TBCD: variants seen among roughly 807,000 people sequenced by gnomAD.
TBCD encodes tubulin folding cofactor D.
In TBCD, 105 loss-of-function variants were observed where a neutral mutation model predicts 169.3. The ratio of observed to expected loss-of-function variants is 0.62; its 90% CI spans 0.53 to 0.73. TBCD has a LOEUF of 0.73. Among genes scored for constraint, TBCD ranks in the 30% least tolerant of loss-of-function variants. The pLI is 0.00. For missense variants in TBCD, 1,444 were observed against 1,600.1 expected, an observed-to-expected ratio of 0.90 and a Z score of 1.66; for synonymous variants, 700 against 643.9, an observed-to-expected ratio of 1.09 and a Z score of -1.32.
At chr17:82,872,649 T>G (rs920403467) in intron 14 of TBCD, among the ~76,000 whole-genome samples, 7 of 150,728 alleles carry the variant, frequency 4.6e-5, no homozygotes, top group Non-Finnish European at 7.4e-5. Context: ...AGCAAAAAAA[T>G]GTATCTTTCT....
At chr17:82,776,765 G>A (rs2048625611) in intron 6 of TBCD, among the ~76,000 whole-genome samples, 1 of 152,222 alleles carries the variant, frequency 6.6e-6, no homozygotes, top group Non-Finnish European at 1.5e-5. Flanking sequence ...GGACACGAGA[G>A]TGGTGTTGGG....
chr17:82,823,555 G>A (rs975857603), intron 13 of TBCD, among the ~76,000 whole-genome samples: 1 of 144,096 alleles, frequency 6.9e-6, no homozygotes, highest in African/African-American at 2.5e-5. Context: ...CCTGTAGAAC[G>A]TGGCATTTTG....
chr17:82,793,640 C>T (rs779611360), intron 7 of TBCD, among the ~76,000 whole-genome samples: 20 of 152,234 alleles, frequency 1.3e-4, no homozygotes, highest in Admixed American at 2.6e-4. Flanking sequence ...CTGGTGGGCT[C>T]GCTGCAGCAC....
intron 8 of TBCD, 100 bp from the exon 9 acceptor site, chr17:82,800,764 A>C: frequency 6.9e-7 from 1 of 1,444,730 alleles, no homozygotes; most frequent in Non-Finnish European, 9.3e-7. Flanking sequence ...CTCCTGCCTC[A>C]AGGCCCCTGT....
intron 13 of TBCD, among the ~76,000 whole-genome samples, chr17:82,853,387 G>A (rs1282677647): frequency 6.8e-6 from 1 of 147,676 alleles, no homozygotes; most frequent in Non-Finnish European, 1.5e-5. Context: ...ACTGCATCCA[G>A]CAACACCCCC....
At chr17:82,846,473 G>T (rs1184129758) in intron 13 of TBCD, among the ~76,000 whole-genome samples, 1 of 152,174 alleles carries the variant, frequency 6.6e-6, no homozygotes, top group Non-Finnish European at 1.5e-5. Flanking sequence ...CTTCCCTAGT[G>T]AGGTGCCCTT....
chr17:82,914,597 G>A (rs1030411693), intron 23 of TBCD, among the ~76,000 whole-genome samples: 12 of 151,956 alleles, frequency 7.9e-5, no homozygotes, highest in Non-Finnish European at 1.5e-4. Context: ...GGCGTGTCCC[G>A]TGGAAAGCTG....
intron 13 of TBCD, chr17:82,830,271 G>A: frequency 4.3e-6 from 7 of 1,614,218 alleles, no homozygotes; most frequent in Non-Finnish European, 5.9e-6. Context: ...TGGGTCTGAG[G>A]TCACACTGGG....
intron 6 of TBCD, among the ~76,000 whole-genome samples, chr17:82,773,796 G>T (rs1452445396): frequency 6.6e-6 from 1 of 151,388 alleles, no homozygotes; most frequent in African/African-American, 2.4e-5. Flanking sequence ...GCACGATCTC[G>T]GCTCACTGCA....
chr17:82,940,355 G>A (rs1300144673), intron 37 of TBCD, among the ~76,000 whole-genome samples: 1 of 152,190 alleles, frequency 6.6e-6, no homozygotes, highest in African/African-American at 2.4e-5. Context: ...AGTCCCAGGT[G>A]TCCTGCCTGT....
At chr17:82,863,849 G>C (rs2056968193) in intron 13 of TBCD, among the ~76,000 whole-genome samples, 1 of 152,208 alleles carries the variant, frequency 6.6e-6, no homozygotes, top group Non-Finnish European at 1.5e-5. Context: ...GGGGCAGAGA[G>C]GGTAGCAGGG....
rs1598616625 is a variant in TBCD, at chr17:82,806,898, G to A, written c.1088-710G>A. On this transcript the variant is annotated intron_variant, in intron 10 of 38. Transcript: ENST00000355528. This position sits in a 1 kb window ranked among gnomAD's most constrained non-coding sequence, Gnocchi z 5.1. ...TGTGCTGGGCGGCTCTGAGTCCCGG[G>A]CGGGGCCCTGGGTCTGCCCCTTCCC... Among the ~76,000 whole-genome samples the A allele has an allele frequency of 6.6e-6, 1 of 152,336 alleles. No individual in the cohort carries two copies. The highest frequency in any genetic ancestry group is 1.9e-4 in the East Asian group (1 of 5,176).
At chr17:82,916,807 G>A (rs886754219) in intron 23 of TBCD, among the ~76,000 whole-genome samples, 5 of 151,958 alleles carry the variant, frequency 3.3e-5, no homozygotes, top group Admixed American at 3.3e-4. Context: ...GTTCATACTT[G>A]TTCCATAATC....
chr17:82,878,999 A>C (rs1361896974), intron 14 of TBCD, among the ~76,000 whole-genome samples: 1 of 150,738 alleles, frequency 6.6e-6, no homozygotes, highest in East Asian at 1.9e-4. Flanking sequence ...ATGTTGCTCA[A>C]ATTGCTCCAG....
At chr17:82,926,964 C>T in intron 28 of TBCD, 1 of 627,662 alleles carries the variant, frequency 1.6e-6, no homozygotes, top group Non-Finnish European at 2.7e-6. Context: ...AGGGGGCGTC[C>T]CCATCCACCT....
Position 82,800,914 on chromosome 17 carries a change from C to G in TBCD, c.868C>G (p.Gln290Glu), listed in dbSNP as rs2050463618. ...TGGCTGCAGACTCCCTGAGAGCAAC[C>G]AGACCCTGCTGCGGAAGCTGGGGGT... is the stretch of plus-strand genomic sequence containing the variant. ...LDGCRLPESN[Q>E]TLLRKLGVKL... The change falls in exon 9 of 39, where the codon CAG becomes GAG. Residue 290 changes from glutamine (Q) to glutamate (E), a missense_variant. Gln to Glu is a conservative substitution (Grantham distance 29). Transcript: ENST00000355528. 6.2e-7 allele frequency: 1 copy of G among 1,612,398 alleles called. No homozygotes were observed. The highest frequency in any genetic ancestry group is 1.3e-5 in the African/African-American group (1 of 74,806).
At chr17:82,917,618 G>A (rs1008568986) in intron 23 of TBCD, among the ~76,000 whole-genome samples, 2 of 152,204 alleles carry the variant, frequency 1.3e-5, no homozygotes, top group African/African-American at 4.8e-5. Flanking sequence ...GGCTCTTGAC[G>A]GGAGGCGGGT....
rs185639016 is a variant in TBCD at position 82,774,063 on chromosome 17, T to A, written c.638+1556T>A. On this transcript the variant is annotated intron_variant, in intron 6 of 38. Transcript: ENST00000355528. ...CTTTTTTTTTTTTTTTTAATTTTTT[T>A]AGTATTTATTGATCATTCTTGGGTG... 4.8e-4 allele frequency among the ~76,000 whole-genome samples: 73 copies of A among 151,396 alleles called. 1 individual carries two copies. The East Asian group carries it at 0.013, about 27-fold the overall frequency.
chr17:82,775,023 G>T (rs2048500415), intron 6 of TBCD, among the ~76,000 whole-genome samples: 1 of 152,240 alleles, frequency 6.6e-6, no homozygotes, highest in Non-Finnish European at 1.5e-5. Context: ...GCCGAGCTTG[G>T]CTCTGTGGAG....
Sources: allele counts gnomAD v4.1 joint callset (sites outside exome capture counted in the v4.1 genomes callset), GRCh38; gene constraint gnomAD v4.1.1; non-coding constraint Gnocchi (gnomAD v3.1); transcripts MANE v1.5; gene names NCBI Gene and HGNC (gene_info 2026-07-23, HGNC 2026-07-21).